The following NALCN variants were observed in gnomAD, a reference collection of about 807,000 sequenced individuals.
The protein encoded by NALCN is sodium leak channel, non-selective, also known as sodium leak channel NALCN.
NALCN carries 111 observed loss-of-function variants against 225.3 expected under a neutral mutation model. The observed-to-expected ratio is 0.49, with a 90% CI of 0.42 to 0.58. NALCN has a LOEUF of 0.58. Among genes scored for constraint, NALCN ranks in the 20% least tolerant of loss-of-function variants. The pLI is 0.00. For synonymous variants in NALCN, 764 were observed against 769.0 expected (o/e 0.99, Z 0.11); for missense variants, 1,378 against 2,202.4 (o/e 0.63, Z 7.49).
Position 101,141,356 on chromosome 13 carries a change from A to T in NALCN, c.2118+1724T>A, listed in dbSNP as rs1056366760. ...AAGAAACAAGCAAACCAAGTCTACC[A>T]ACCAAAAGGCTAATTACTTAAAAAA... On this transcript the variant is annotated intron_variant, in intron 17 of 43. Transcript: ENST00000251127. Among the ~76,000 whole-genome samples the T allele has an allele frequency of 2.0e-5, 3 of 152,276 alleles. No individual in the cohort carries two copies. The South Asian group carries it at 6.2e-4, about 32-fold the overall frequency.
At chr13:101,388,578 T>C (rs1324988377) in intron 3 of NALCN, among the ~76,000 whole-genome samples, 2 of 152,194 alleles carry the variant, frequency 1.3e-5, no homozygotes, top group Non-Finnish European at 2.9e-5. Flanking sequence ...TTCTAACATT[T>C]ACATTATTAA....
At chr13:101,368,069 T>G (rs1398679282) in intron 6 of NALCN, among the ~76,000 whole-genome samples, 1 of 151,734 alleles carries the variant, frequency 6.6e-6, no homozygotes, top group Non-Finnish European at 1.5e-5. Flanking sequence ...TAGTTACATA[T>G]GTATACATGT....
At position 101,084,445 on chromosome 13, in the gene NALCN, AC is replaced by A. The variant is rs148618637; in HGVS notation, c.3490-642del. The stretch of plus-strand genomic sequence containing the variant: ...GTGTAATTTTAAAAACTAGACAAAA[AC>A]CCCACTCTCCCTTTCCTTACCCAGA... On this transcript the variant is annotated intron_variant, in intron 30 of 43. Transcript: ENST00000251127. Among the ~76,000 whole-genome samples, 1,275 of 152,090 alleles carry A rather than the reference AC, an allele frequency of 8.4e-3. 45 individuals are homozygous for A. The highest frequency in any genetic ancestry group is 0.053 in the Admixed American group (804 of 15,254).
chr13:101,097,735 G>A (rs944339143), intron 27 of NALCN, among the ~76,000 whole-genome samples: 1 of 152,162 alleles, frequency 6.6e-6, no homozygotes, highest in Admixed American at 6.5e-5. Flanking sequence ...AACCTTTTGT[G>A]GTTTCTCACT....
intron 13 of NALCN, among the ~76,000 whole-genome samples, chr13:101,205,054 T>C (rs1166254094): frequency 6.6e-6 from 1 of 152,150 alleles, no homozygotes; most frequent in Non-Finnish European, 1.5e-5. Flanking sequence ...GGCTGAGATC[T>C]CTTGACTTTG....
At chr13:101,184,863 G>T (rs2584528) in intron 14 of NALCN, among the ~76,000 whole-genome samples, 100,349 of 151,908 alleles carry the variant, frequency 0.66, 33,293 homozygotes, top group African/African-American at 0.72. Context: ...TCCCTTTTCA[G>T]TTTTCTTTCT....
At position 101,059,808 on chromosome 13, in the gene NALCN, G is replaced by A. The variant is rs772258717; in HGVS notation, c.4905+10C>T. The A allele has an allele frequency of 1.4e-5, 23 of 1,613,286 alleles. No homozygotes were observed. Among genetic ancestry groups the A allele is most frequent in the Middle Eastern group, 1.7e-4 (1 of 5,960 alleles). The stretch of plus-strand genomic sequence containing the variant: ...AGTGTCCTGGGACAGAGGACGCCTC[G>A]TGCCCATACCTCAGGTTGCATGCTG... On this transcript the variant is annotated intron_variant, in intron 42 of 43. Coordinates refer to ENST00000251127, the MANE Select transcript of NALCN (RefSeq NM_052867.4).
chr13:101,287,910 G>A (rs935334983), intron 9 of NALCN, among the ~76,000 whole-genome samples: 1 of 152,168 alleles, frequency 6.6e-6, no homozygotes, highest in East Asian at 1.9e-4. Flanking sequence ...TGGTAATGGA[G>A]AATCACTAGC....
At chr13:101,385,353 T>G (rs2046957784) in intron 3 of NALCN, among the ~76,000 whole-genome samples, 1 of 152,166 alleles carries the variant, frequency 6.6e-6, no homozygotes, top group Non-Finnish European at 1.5e-5. Context: ...ACTTCTCTGA[T>G]ATCCCCAAGC....
At chr13:101,059,602 T>C (rs2031667987) in intron 42 of NALCN, among the ~76,000 whole-genome samples, 1 of 149,558 alleles carries the variant, frequency 6.7e-6, no homozygotes, top group Non-Finnish European at 1.5e-5. Flanking sequence ...GTCAGACTCT[T>C]TTTAAATAAC....
At chr13:101,110,790 C>T (rs949355316) in intron 19 of NALCN, 102 bp from the exon 20 acceptor site, 27 of 1,126,728 alleles carry the variant, frequency 2.4e-5, no homozygotes, top group South Asian at 6.3e-5. Context: ...TCTGCTACAA[C>T]GCCACAAATG....
chr13:101,237,669 T>A, intron 12 of NALCN, 86 bp downstream of exon 12: 1 of 699,912 alleles, frequency 1.4e-6, no homozygotes, highest in Non-Finnish European at 2.1e-6. Context: ...TATATATAAT[T>A]CTATGTGGTT....
At position 101,147,749 on chromosome 13, in the gene NALCN, C is replaced by T. The variant is rs182066740; in HGVS notation, c.1840-2853G>A. On this transcript the variant is annotated intron_variant, in intron 15 of 43. Coordinates refer to ENST00000251127, the MANE Select transcript of NALCN (RefSeq NM_052867.4). ...AGGCTCAGAGGCCTTTTTTTGGCCCCTCCCTGCCTGTCCAGCCTCAGCTAG... is the reference window on the plus strand; with the variant it reads ...AGGCTCAGAGGCCTTTTTTTGGCCCTTCCCTGCCTGTCCAGCCTCAGCTAG... Among the ~76,000 whole-genome samples the T allele has an allele frequency of 2.4e-3, 364 of 151,928 alleles. 1 individual carries two copies. Among genetic ancestry groups the T allele is most frequent in the African/African-American group, 8.3e-3 (342 of 41,446 alleles).
intron 6 of NALCN, among the ~76,000 whole-genome samples, chr13:101,347,166 C>CA (rs1555339429): frequency 5.3e-5 from 8 of 150,822 alleles, no homozygotes; most frequent in Admixed American, 2.0e-4. Context: ...CACACACACA[C>CA]CCCATGGCTG....
chr13:101,388,973 T>A (rs532842134), intron 3 of NALCN, among the ~76,000 whole-genome samples: 3 of 152,290 alleles, frequency 2.0e-5, no homozygotes, highest in Admixed American at 6.5e-5. Flanking sequence ...ACACAGAATG[T>A]GAGCTAGGGC....
chr13:101,342,833 G>A (rs1325970864), intron 7 of NALCN, among the ~76,000 whole-genome samples: 1 of 151,994 alleles, frequency 6.6e-6, no homozygotes, highest in Non-Finnish European at 1.5e-5. Flanking sequence ...CATGACTCTG[G>A]CTTTTAATAT....
At chr13:101,380,642 G>T (rs2046822580) in intron 3 of NALCN, among the ~76,000 whole-genome samples, 1 of 152,060 alleles carries the variant, frequency 6.6e-6, no homozygotes, top group African/African-American at 2.4e-5. Context: ...AAAACATGTT[G>T]CAGGATATTG....
intron 26 of NALCN, among the ~76,000 whole-genome samples, chr13:101,102,356 T>G (rs2034869016): frequency 6.6e-6 from 1 of 152,122 alleles, no homozygotes; most frequent in Non-Finnish European, 1.5e-5. Flanking sequence ...TTAAAATACA[T>G]TTGTGTCAAC....
chr13:101,342,549 T>C (rs1343633367), intron 7 of NALCN, among the ~76,000 whole-genome samples: 1 of 152,196 alleles, frequency 6.6e-6, no homozygotes, highest in Admixed American at 6.5e-5. Flanking sequence ...GACAGTTGTG[T>C]TCCTCCAGGA....
Sources: allele counts gnomAD v4.1 joint callset (sites outside exome capture counted in the v4.1 genomes callset), GRCh38; gene constraint gnomAD v4.1.1; transcripts MANE v1.5; gene names NCBI Gene and HGNC (gene_info 2026-07-23, HGNC 2026-07-21).